Variants in TENM3 observed in about 807,000 individuals in gnomAD.
TENM3 encodes the protein teneurin transmembrane protein 3.
In TENM3, 63 loss-of-function variants were observed where a neutral mutation model predicts 255.1. The ratio of observed to expected loss-of-function variants is 0.25; its 90% CI spans 0.20 to 0.30. The LOEUF is 0.30. TENM3 is among the 10% of genes least tolerant of loss of function. The pLI, the probability that TENM3 is intolerant of heterozygous loss-of-function variation, is 1.00. For missense variants in TENM3, 2,929 were observed against 3,461.1 expected (o/e 0.85, Z 3.86); for synonymous variants, 1,306 against 1,322.3 (o/e 0.99, Z 0.27).
chr4:181,794,642 CT>C, the TENM3 span, among the ~76,000 whole-genome samples: 1 of 144,356 alleles, frequency 6.9e-6, no homozygotes, highest in Non-Finnish European at 1.5e-5. Context: ...GCATTTCCTT[CT>C]TTTTTAAGGC....
the TENM3 span, among the ~76,000 whole-genome samples, chr4:181,915,108 A>T: frequency 6.6e-6 from 1 of 152,176 alleles, no homozygotes; most frequent in Non-Finnish European, 1.5e-5. Flanking sequence ...GATCAGGAGG[A>T]CAAGGCATTT....
In TENM3 at chr4:182,755,258, G is replaced by T; in HGVS notation, c.4891G>T (p.Asp1631Tyr). 6.3e-7 allele frequency: 1 copy of T among 1,588,190 alleles called. No individual in the cohort carries two copies. The highest frequency in any genetic ancestry group is 8.5e-7 in the Non-Finnish European group (1 of 1,173,422). ...TGAAACTGGATGGACAACGTTTTTTGAGTAAGTATATGAAAATTCTACTCT... is the reference window on the plus strand; with the variant it reads ...TGAAACTGGATGGACAACGTTTTTTTAGTAAGTATATGAAAATTCTACTCT... Reference protein sequence around the residue: ...SDETGWTTFFDYDSEGRLTNV... With the variant: ...SDETGWTTFFYYDSEGRLTNV... Residue 1631 changes from aspartate to tyrosine, a missense_variant and splice_region_variant, in exon 22 of 28, where the codon GAC becomes TAC. Around this residue, in one of 6 missense-constraint regions of TENM3, gnomAD observed 1,608 missense variants for 1,884.4 expected, o/e 0.85. Coordinates refer to ENST00000511685, the MANE Select transcript of TENM3 (RefSeq NM_001080477.4).
rs983596419 is a variant in TENM3 at position 182,754,125 on chromosome 4, C to G, written c.4018-260C>G. Among the ~76,000 whole-genome samples, 5 of 152,220 alleles carry G rather than the reference C, an allele frequency of 3.3e-5. No homozygotes were observed. Among genetic ancestry groups the G allele is most frequent in the Non-Finnish European group, 1.5e-5 (1 of 68,042 alleles). ...CATAGCTCATCGATATCTGTTGACT[C>G]ACTACGTAGAGGCCTATTTGCTATT... On this transcript the variant is annotated intron_variant, in intron 21 of 27. Transcript: ENST00000511685. This position sits in a 1 kb window ranked among gnomAD's most constrained non-coding sequence, Gnocchi z 5.1.
At chr4:182,044,378 A>G in the TENM3 span, among the ~76,000 whole-genome samples, 1,985 of 152,352 alleles carry the variant, frequency 0.013, 49 homozygotes, top group African/African-American at 0.045. Flanking sequence ...CTCTTACTGC[A>G]TACGTTTTAA....
At chr4:181,562,972 G>A in the TENM3 span, among the ~76,000 whole-genome samples, 2 of 152,220 alleles carry the variant, frequency 1.3e-5, no homozygotes, top group Non-Finnish European at 1.5e-5. Flanking sequence ...ACCGTGCCGG[G>A]CCCTTCTTAG....
intron 19 of TENM3, among the ~76,000 whole-genome samples, chr4:182,744,696 C>T (rs1761877644): frequency 6.6e-6 from 1 of 152,170 alleles, no homozygotes; most frequent in Admixed American, 6.5e-5. Flanking sequence ...TTATTAGCTT[C>T]CCGTAAATTC....
chr4:181,891,659 A>G, the TENM3 span, among the ~76,000 whole-genome samples: 1 of 152,156 alleles, frequency 6.6e-6, no homozygotes, highest in East Asian at 1.9e-4. Context: ...CTATATGCTC[A>G]TTATTAAACC....
At chr4:181,824,806 AT>A in the TENM3 span, among the ~76,000 whole-genome samples, 2 of 152,212 alleles carry the variant, frequency 1.3e-5, no homozygotes, top group Non-Finnish European at 2.9e-5. Context: ...CAGACTCTAT[AT>A]TCTACTCGGT....
At chr4:182,281,584 G>T (rs1760388159) in intron 1 of TENM3, among the ~76,000 whole-genome samples, 1 of 151,842 alleles carries the variant, frequency 6.6e-6, no homozygotes, top group East Asian at 1.9e-4. Context: ...TGTACTCCTG[G>T]GCTCAAACAA....
chr4:182,378,838 G>C (rs1042477957), intron 3 of TENM3, among the ~76,000 whole-genome samples: 1 of 152,148 alleles, frequency 6.6e-6, no homozygotes, highest in African/African-American at 2.4e-5. Flanking sequence ...GATCCAACTT[G>C]CCTAAGAACC....
the TENM3 span, among the ~76,000 whole-genome samples, chr4:181,961,510 C>A: frequency 4.0e-4 from 61 of 152,156 alleles, no homozygotes; most frequent in Non-Finnish European, 7.9e-4. Flanking sequence ...AGCTCTGCCT[C>A]CCGGGTTCAA....
the TENM3 span, among the ~76,000 whole-genome samples, chr4:181,458,282 G>GA: frequency 2.0e-5 from 3 of 151,826 alleles, no homozygotes; most frequent in Non-Finnish European, 2.9e-5. Context: ...TCAGATCGGA[G>GA]AAAAAAACTG....
chr4:181,610,779 A>G, the TENM3 span, among the ~76,000 whole-genome samples: 1 of 152,298 alleles, frequency 6.6e-6, no homozygotes, highest in Non-Finnish European at 1.5e-5. Flanking sequence ...GACATCAAGC[A>G]GCCCTCTGGA....
chr4:182,163,337 T>G (rs988821696), intron 1 of TENM3, among the ~76,000 whole-genome samples: 4 of 152,006 alleles, frequency 2.6e-5, no homozygotes, highest in Non-Finnish European at 4.4e-5. Flanking sequence ...AAACTCAGCA[T>G]GGAAGCCGAG....
chr4:182,773,105 T>TAAC (rs1484278939), intron 22 of TENM3, among the ~76,000 whole-genome samples: 1 of 152,228 alleles, frequency 6.6e-6, no homozygotes, highest in Non-Finnish European at 1.5e-5. Context: ...AGAACTGATG[T>TAAC]AACAGTGAAT....
the TENM3 span, among the ~76,000 whole-genome samples, chr4:181,849,402 C>T: frequency 6.6e-6 from 1 of 152,012 alleles, no homozygotes; most frequent in Non-Finnish European, 1.5e-5. Flanking sequence ...TATATTGTTG[C>T]CCCAACAGAA....
At chr4:182,108,140 A>G in the TENM3 span, among the ~76,000 whole-genome samples, 1 of 152,274 alleles carries the variant, frequency 6.6e-6, no homozygotes, top group Admixed American at 6.5e-5. Flanking sequence ...GCATCAGAGC[A>G]TGTGCCCAGC....
At chr4:182,448,437 A>C (rs1773119579) in intron 3 of TENM3, among the ~76,000 whole-genome samples, 1 of 152,028 alleles carries the variant, frequency 6.6e-6, no homozygotes, top group African/African-American at 2.4e-5. Flanking sequence ...CGCGAGCTGG[A>C]GGGCCGAGTT....
the TENM3 span, among the ~76,000 whole-genome samples, chr4:181,758,564 T>C: frequency 6.6e-6 from 1 of 152,286 alleles, no homozygotes; most frequent in East Asian, 1.9e-4. Context: ...CTAATTAGCT[T>C]TTTAAGCTGT....
Sources: allele counts gnomAD v4.1 joint callset (sites outside exome capture counted in the v4.1 genomes callset), GRCh38; gene constraint gnomAD v4.1.1; regional missense constraint gnomAD v4.1.1; non-coding constraint Gnocchi (gnomAD v3.1); transcripts MANE v1.5; gene names NCBI Gene and HGNC (gene_info 2026-07-23, HGNC 2026-07-21).